Variants in C1QTNF3 observed in about 807,000 individuals in gnomAD.
The protein encoded by C1QTNF3 is complement C1q tumor necrosis factor-related protein 3.
Under a neutral mutation model 32.6 loss-of-function variants are expected in C1QTNF3, and 26 were observed. The ratio of observed to expected loss-of-function variants is 0.80; its 90% CI spans 0.58 to 1.11. The LOEUF is 1.11. Ranked by LOEUF, C1QTNF3 falls within the 50% of genes least tolerant of loss-of-function variation. The probability of loss-of-function intolerance (pLI) is 0.00; values close to 1 mark genes in which losing one functional copy is unlikely to be tolerated. For synonymous variants in C1QTNF3, 155 were observed against 146.0 expected, an observed-to-expected ratio of 1.06 and a Z score of -0.44; for missense variants, 362 against 398.2, an observed-to-expected ratio of 0.91 and a Z score of 0.77.
the C1QTNF3 span, among the ~76,000 whole-genome samples, chr5:34,240,702 C>A: frequency 6.6e-6 from 1 of 152,198 alleles, no homozygotes; most frequent in Non-Finnish European, 1.5e-5. Context: ...TAAAGAAGAA[C>A]TACTACAATT....
At chr5:34,037,447 A>C (rs1428825398) in intron 1 of C1QTNF3, among the ~76,000 whole-genome samples, 1 of 152,210 alleles carries the variant, frequency 6.6e-6, no homozygotes. Flanking sequence ...AAACACTTAG[A>C]CCTTACTTTC....
At chr5:34,128,689 C>T in the C1QTNF3 span, among the ~76,000 whole-genome samples, 89 of 152,218 alleles carry the variant, frequency 5.8e-4, no homozygotes, top group African/African-American at 2.1e-3. Context: ...TGGATGGGGC[C>T]CATAGCCCCT....
chr5:34,138,747 TTTGTA>T, the C1QTNF3 span, among the ~76,000 whole-genome samples: 1 of 152,170 alleles, frequency 6.6e-6, no homozygotes, highest in African/African-American at 2.4e-5. Flanking sequence ...TAGAGTGCCT[TTTGTA>T]TTGAATAGTC....
At chr5:34,063,111 T>G in the C1QTNF3 span, among the ~76,000 whole-genome samples, 1 of 152,178 alleles carries the variant, frequency 6.6e-6, no homozygotes, top group African/African-American at 2.4e-5. Flanking sequence ...TGGAGTGTTA[T>G]AGGGTCATGG....
At chr5:34,094,305 G>A in the C1QTNF3 span, among the ~76,000 whole-genome samples, 4 of 151,964 alleles carry the variant, frequency 2.6e-5, no homozygotes, top group Middle Eastern at 3.4e-3. Context: ...TCTGTTATTG[G>A]CAAAGTTTCT....
chr5:34,226,507 T>C, the C1QTNF3 span, among the ~76,000 whole-genome samples: 1 of 151,770 alleles, frequency 6.6e-6, no homozygotes, highest in Non-Finnish European at 1.5e-5. Context: ...AAGTTGATAG[T>C]GTCACTAGAT....
At chr5:34,173,569 A>G in the C1QTNF3 span, among the ~76,000 whole-genome samples, 1 of 124,246 alleles carries the variant, frequency 8.0e-6, no homozygotes, top group African/African-American at 3.1e-5. Flanking sequence ...TATTTTATCT[A>G]TATCTATGAC....
the C1QTNF3 span, among the ~76,000 whole-genome samples, chr5:34,093,820 C>T: frequency 2.0e-5 from 3 of 152,164 alleles, no homozygotes; most frequent in African/African-American, 2.4e-5. Flanking sequence ...GTATTCTGAG[C>T]CCATGAAACA....
At chr5:34,056,624 G>A in the C1QTNF3 span, among the ~76,000 whole-genome samples, 7 of 150,746 alleles carry the variant, frequency 4.6e-5, no homozygotes, top group African/African-American at 1.5e-4. Context: ...GTGATCCTCC[G>A]ACCTCAGCTT....
At position 34,033,440 on chromosome 5, in the gene C1QTNF3, C is replaced by A; in HGVS notation, c.434G>T (p.Gly145Val). 6.2e-7 allele frequency: 1 copy of A among 1,614,164 alleles called. No homozygotes were observed. Among genetic ancestry groups the A allele is most frequent in the Non-Finnish European group, 8.5e-7 (1 of 1,180,022 alleles). The change falls in exon 3 of 6, where the codon GGC becomes GTC. Residue 145 changes from glycine to valine, a missense_variant. By Grantham distance (109) the Gly-to-Val change is moderately radical. Coordinates refer to ENST00000382065, the MANE Select transcript of C1QTNF3 (RefSeq NM_181435.6). ...TTCATGACCAGTGGCTCCATTGTTG[C>A]CATTGTTTCCATGGTTTCCTTAAAC... Reference protein sequence around the residue: ...PGIPGNHGNNGNNGATGHEGA... With the variant: ...PGIPGNHGNNVNNGATGHEGA...
the C1QTNF3 span, among the ~76,000 whole-genome samples, chr5:34,177,442 A>G: frequency 2.0e-5 from 3 of 150,858 alleles, no homozygotes; most frequent in Non-Finnish European, 4.4e-5. Flanking sequence ...TCAGCCTCCC[A>G]AGTAGCTGGG....
chr5:34,241,757 T>A, the C1QTNF3 span, among the ~76,000 whole-genome samples: 9 of 151,554 alleles, frequency 5.9e-5, no homozygotes, highest in African/African-American at 1.5e-4. Flanking sequence ...TTTTTTTTTT[T>A]AAATAGCGAG....
At chr5:34,078,149 T>C in the C1QTNF3 span, among the ~76,000 whole-genome samples, 4 of 151,644 alleles carry the variant, frequency 2.6e-5, 1 homozygote, top group African/African-American at 9.8e-5. This position sits in a 1 kb window ranked among gnomAD's most constrained non-coding sequence, Gnocchi z 4.0. Context: ...GTGATGTGAA[T>C]TGGTGGGACC....
At chr5:34,109,965 A>C in the C1QTNF3 span, among the ~76,000 whole-genome samples, 1 of 152,252 alleles carries the variant, frequency 6.6e-6, no homozygotes, top group Non-Finnish European at 1.5e-5. Flanking sequence ...CAAATTGAAG[A>C]GAATTATGTT....
chr5:34,216,670 T>C, the C1QTNF3 span, among the ~76,000 whole-genome samples: 1 of 152,328 alleles, frequency 6.6e-6, no homozygotes, highest in Admixed American at 6.5e-5. Flanking sequence ...TGTTGAAGAA[T>C]AGATTCTAAA....
chr5:34,121,168 C>T, the C1QTNF3 span, among the ~76,000 whole-genome samples: 1 of 152,130 alleles, frequency 6.6e-6, no homozygotes, highest in African/African-American at 2.4e-5. Context: ...GAGGCAAATT[C>T]ATGAGATTAA....
the C1QTNF3 span, among the ~76,000 whole-genome samples, chr5:34,108,389 T>C: frequency 6.6e-6 from 1 of 152,172 alleles, no homozygotes; most frequent in Non-Finnish European, 1.5e-5. Context: ...TCTTATTTAT[T>C]GTGCTCTCCC....
the C1QTNF3 span, among the ~76,000 whole-genome samples, chr5:34,057,495 A>G: frequency 6.6e-6 from 1 of 152,220 alleles, no homozygotes; most frequent in East Asian, 1.9e-4. Context: ...CCCACATGCC[A>G]TGAGGATCAA....
the C1QTNF3 span, among the ~76,000 whole-genome samples, chr5:34,216,938 G>A: frequency 1.3e-4 from 20 of 151,838 alleles, no homozygotes; most frequent in South Asian, 4.2e-4. Flanking sequence ...CAAATAAAAC[G>A]GTGTGTCATT....
Sources: allele counts gnomAD v4.1 joint callset (sites outside exome capture counted in the v4.1 genomes callset), GRCh38; gene constraint gnomAD v4.1.1; non-coding constraint Gnocchi (gnomAD v3.1); transcripts MANE v1.5; gene names NCBI Gene and HGNC (gene_info 2026-07-23, HGNC 2026-07-21).